The following CDH13 variants were observed in gnomAD, a reference collection of about 807,000 sequenced individuals.
CDH13 encodes the protein cadherin 13, also known as cadherin-13.
Under a neutral mutation model 63.8 loss-of-function variants are expected in CDH13, and 24 were observed. The observed-to-expected ratio is 0.38, with a 90% CI of 0.27 to 0.53. The LOEUF (loss-of-function observed/expected upper bound fraction) is 0.53, where lower values mean the gene tolerates loss of function less well. CDH13 is among the 20% of genes least tolerant of loss of function. The probability of loss-of-function intolerance (pLI) is 0.85; values close to 1 mark genes in which losing one functional copy is unlikely to be tolerated. For missense variants in CDH13, 1,049 were observed against 903.1 expected (o/e 1.16, Z -2.07); for synonymous variants, 503 against 355.3 (o/e 1.42, Z -4.67).
chr16:83,733,745 C>T (rs1219300625), intron 10 of CDH13, among the ~76,000 whole-genome samples: 1 of 152,162 alleles, frequency 6.6e-6, no homozygotes, highest in African/African-American at 2.4e-5. Flanking sequence ...GATTAACTTT[C>T]CCATTCTGGT....
chr16:83,523,755 G>A (rs1489471269), intron 7 of CDH13, among the ~76,000 whole-genome samples: 1 of 152,172 alleles, frequency 6.6e-6, no homozygotes, highest in African/African-American at 2.4e-5. Context: ...CCATTCTGTG[G>A]CATGGTTGCA....
intron 8 of CDH13, 78 bp downstream of exon 8, chr16:83,602,672 AGCACCTGCTGGCC>A: frequency 1.4e-6 from 2 of 1,417,848 alleles, no homozygotes; most frequent in Non-Finnish European, 2.0e-6. Context: ...CACGTACCAC[AGCACCTGCTGGCC>A]CCCCTTTCAA....
intron 2 of CDH13, among the ~76,000 whole-genome samples, chr16:82,941,008 G>A (rs9926230): frequency 0.026 from 4,031 of 152,204 alleles, 164 homozygotes; most frequent in African/African-American, 0.086. Context: ...ATGTTGCTTT[G>A]TAGATGGACA....
At chr16:83,536,237 A>G (rs1386583192) in intron 7 of CDH13, among the ~76,000 whole-genome samples, 2 of 152,238 alleles carry the variant, frequency 1.3e-5, no homozygotes, top group Admixed American at 6.5e-5. Context: ...TAGAGCTTAC[A>G]ATGTAGTTGG....
chr16:83,222,725 C>T (rs2039732906), intron 5 of CDH13, among the ~76,000 whole-genome samples: 1 of 152,032 alleles, frequency 6.6e-6, no homozygotes, highest in South Asian at 2.1e-4. Flanking sequence ...AAATCACCTC[C>T]AACTAGTTTA....
chr16:83,162,142 A>T (rs1178013653), intron 4 of CDH13, among the ~76,000 whole-genome samples: 1 of 152,202 alleles, frequency 6.6e-6, no homozygotes, highest in Non-Finnish European at 1.5e-5. Flanking sequence ...TCCTTAGCTC[A>T]TCATATAACC....
chr16:83,500,269 TC>T lies in CDH13; in HGVS notation c.960+13615del, dbSNP rs371112647. Among the ~76,000 whole-genome samples, 21 of 3,254 alleles carry T rather than the reference TC, an allele frequency of 6.5e-3. 3 individuals are homozygous for T. Among genetic ancestry groups the T allele is most frequent in the Non-Finnish European group, 7.6e-3 (3 of 396 alleles). 2.1% of individuals were successfully genotyped at this position (3,254 alleles called of 152,430 possible). A position where few individuals can be genotyped will look rare whatever the true frequency, so the allele number is the denominator to read the frequency against. On this transcript the variant is annotated intron_variant, in intron 7 of 13. Coordinates refer to ENST00000567109, the MANE Select transcript of CDH13 (RefSeq NM_001257.5). Reference sequence around the variant, plus strand: ...TTCTTCTTCTTCTTCTTCTTCTTCTTCTTCTTCTTCTTCTTCTTCTTCTTCT... The same window carrying T: ...TTCTTCTTCTTCTTCTTCTTCTTCTTTTCTTCTTCTTCTTCTTCTTCTTCT...
At chr16:83,645,771 G>T (rs1433205900) in intron 8 of CDH13, among the ~76,000 whole-genome samples, 1 of 151,982 alleles carries the variant, frequency 6.6e-6, no homozygotes, top group Non-Finnish European at 1.5e-5. Context: ...AAGGGGCAGG[G>T]AAAACAGGAG....
intron 1 of CDH13, among the ~76,000 whole-genome samples, chr16:82,738,526 T>C (rs1290250662): frequency 1.3e-5 from 2 of 152,162 alleles, no homozygotes; most frequent in African/African-American, 2.4e-5. Flanking sequence ...GTTTCCAAAT[T>C]CCTTAGCTTA....
intron 10 of CDH13, among the ~76,000 whole-genome samples, chr16:83,743,919 C>T (rs998083911): frequency 7.9e-5 from 12 of 151,772 alleles, no homozygotes; most frequent in African/African-American, 2.9e-4. Flanking sequence ...CACTGTGTAC[C>T]GAGAAGCCCA....
intron 6 of CDH13, among the ~76,000 whole-genome samples, chr16:83,346,717 TA>T (rs1311530890): frequency 3.3e-5 from 5 of 152,234 alleles, no homozygotes; most frequent in Non-Finnish European, 4.4e-5. Context: ...ATACATGTAA[TA>T]TTTTTTGAAG....
intron 3 of CDH13, among the ~76,000 whole-genome samples, chr16:83,058,324 C>A (rs1245260144): frequency 2.0e-5 from 3 of 152,184 alleles, no homozygotes; most frequent in African/African-American, 7.2e-5. Context: ...AGCGCCTCCA[C>A]GTTTTGTTCA....
intron 2 of CDH13, among the ~76,000 whole-genome samples, chr16:82,911,127 C>A (rs1597195440): frequency 6.6e-6 from 1 of 152,166 alleles, no homozygotes; most frequent in Admixed American, 6.5e-5. Context: ...AGGTCAGAAC[C>A]AAACCAGAGC....
chr16:83,366,451 T>C (rs1188884098), intron 6 of CDH13, among the ~76,000 whole-genome samples: 1 of 152,186 alleles, frequency 6.6e-6, no homozygotes, highest in African/African-American at 2.4e-5. Context: ...CACTCAGCTT[T>C]CAGAAGTCAC....
intron 3 of CDH13, among the ~76,000 whole-genome samples, chr16:83,105,534 G>C (rs529620969): frequency 1.6e-4 from 24 of 152,142 alleles, no homozygotes; most frequent in African/African-American, 5.5e-4. Context: ...AAACCCCAAG[G>C]TTTTTCTCTT....
At chr16:83,722,212 C>T (rs1401823220) in intron 10 of CDH13, among the ~76,000 whole-genome samples, 1 of 152,218 alleles carries the variant, frequency 6.6e-6, no homozygotes, top group East Asian at 1.9e-4. Flanking sequence ...CACAATCTCT[C>T]TGAGCCTTGC....
intron 1 of CDH13, among the ~76,000 whole-genome samples, chr16:82,776,322 G>C (rs1419393124): frequency 9.9e-5 from 15 of 152,140 alleles, no homozygotes; most frequent in Admixed American, 8.5e-4. Context: ...GAAAAGAAAA[G>C]AAAAGGCACT....
At chr16:83,298,173 G>A (rs146803545) in intron 5 of CDH13, among the ~76,000 whole-genome samples, 1 of 152,134 alleles carries the variant, frequency 6.6e-6, no homozygotes, top group Non-Finnish European at 1.5e-5. Flanking sequence ...AGCCCAAGAG[G>A]TCGAGGCTGT....
At chr16:82,680,913 G>T (rs1914472440) in intron 1 of CDH13, among the ~76,000 whole-genome samples, 1 of 152,174 alleles carries the variant, frequency 6.6e-6, no homozygotes, top group African/African-American at 2.4e-5. Context: ...AAACTCACTT[G>T]CTCAGTAGCT....
Sources: allele counts gnomAD v4.1 joint callset (sites outside exome capture counted in the v4.1 genomes callset), GRCh38; gene constraint gnomAD v4.1.1; transcripts MANE v1.5; gene names NCBI Gene and HGNC (gene_info 2026-07-23, HGNC 2026-07-21).